The following PLD5 variants were observed in gnomAD, a reference collection of about 807,000 sequenced individuals.
The protein encoded by PLD5 is phospholipase D family member 5, also known as inactive phospholipase D5.
In PLD5, 36 loss-of-function variants were observed where a neutral mutation model predicts 61.1. The observed-to-expected ratio is 0.59, with a 90% CI of 0.45 to 0.78. The LOEUF is 0.78. PLD5 is among the 30% of genes least tolerant of loss of function. PLD5 has a pLI of 0.00. For missense variants in PLD5, 515 were observed against 644.4 expected (o/e 0.80, Z 2.17); for synonymous variants, 243 against 242.8 (o/e 1.00, Z -0.01).
chr1:242,336,015 A>C (rs1196358724), intron 2 of PLD5, among the ~76,000 whole-genome samples: 1 of 152,276 alleles, frequency 6.6e-6, no homozygotes, highest in Middle Eastern at 3.4e-3. Flanking sequence ...TATTTCTCCT[A>C]TGTATGCAGA....
intron 1 of PLD5, among the ~76,000 whole-genome samples, chr1:242,487,811 G>T (rs1367514613): frequency 7.4e-6 from 1 of 135,758 alleles, no homozygotes; most frequent in African/African-American, 2.6e-5. Context: ...TTTCTTTAGA[G>T]AATTAATTTA....
chr1:242,326,629 A>C (rs1001552716), intron 2 of PLD5, among the ~76,000 whole-genome samples: 1 of 152,104 alleles, frequency 6.6e-6, no homozygotes, highest in African/African-American at 2.4e-5. Flanking sequence ...GCACTGCTGA[A>C]AAAAGATCTT....
intron 4 of PLD5, among the ~76,000 whole-genome samples, chr1:242,220,322 A>C (rs912638216): frequency 9.2e-5 from 14 of 152,210 alleles, no homozygotes; most frequent in African/African-American, 3.4e-4. Context: ...AAAAGAAAAG[A>C]AAAGAAAAGA....
intron 6 of PLD5, among the ~76,000 whole-genome samples, chr1:242,118,632 T>C (rs1366516918): frequency 6.6e-6 from 1 of 152,254 alleles, no homozygotes; most frequent in African/African-American, 2.4e-5. Flanking sequence ...TGCTTCAATC[T>C]GGGTATTTCC....
intron 1 of PLD5, among the ~76,000 whole-genome samples, chr1:242,497,058 G>C (rs1668394264): frequency 6.6e-6 from 1 of 152,162 alleles, no homozygotes; most frequent in Admixed American, 6.5e-5. Flanking sequence ...GGAGACCGGA[G>C]ACCTCATACA....
chr1:242,358,458 C>T (rs1156749362), intron 1 of PLD5, among the ~76,000 whole-genome samples: 10 of 151,868 alleles, frequency 6.6e-5, no homozygotes, highest in African/African-American at 2.4e-4. Flanking sequence ...TGAATCTGGG[C>T]AGGCAGAGCT....
chr1:242,112,122 C>G (rs1260497433), intron 7 of PLD5, among the ~76,000 whole-genome samples: 1 of 152,052 alleles, frequency 6.6e-6, no homozygotes, highest in Non-Finnish European at 1.5e-5. Flanking sequence ...GAAAATCAGG[C>G]AAAACCCCTA....
chr1:242,148,946 A>T (rs1173109764), intron 5 of PLD5, among the ~76,000 whole-genome samples: 1 of 141,976 alleles, frequency 7.0e-6, no homozygotes, highest in African/African-American at 2.6e-5. Context: ...TTACATAATC[A>T]TGTCATCTGC....
intron 2 of PLD5, among the ~76,000 whole-genome samples, chr1:242,333,850 A>G (rs1456131202): frequency 6.6e-6 from 1 of 152,136 alleles, no homozygotes; most frequent in Non-Finnish European, 1.5e-5. Flanking sequence ...GCTGAATAAT[A>G]TTCCATTGCA....
intron 1 of PLD5, among the ~76,000 whole-genome samples, chr1:242,382,035 C>T (rs1426413545): frequency 2.0e-5 from 3 of 150,556 alleles, no homozygotes; most frequent in East Asian, 2.0e-4. Flanking sequence ...GTAGCCGACG[C>T]ATTGGCTGTT....
At position 242,153,604 on chromosome 1, in the gene PLD5, T is replaced by C. The variant is rs570415934; in HGVS notation, c.736-28939A>G. On this transcript the variant is annotated intron_variant, in intron 5 of 9. Transcript: ENST00000536534. ...AGTTTTCCCAGCACCATTTATTAAATAGGGAATCCTTTCCCCATTGCTTGT... is the reference window on the plus strand; with the variant it reads ...AGTTTTCCCAGCACCATTTATTAAACAGGGAATCCTTTCCCCATTGCTTGT... 1.4e-4 allele frequency among the ~76,000 whole-genome samples: 21 copies of C among 152,286 alleles called. 1 individual carries two copies. Among genetic ancestry groups the C allele is most frequent in the African/African-American group, 4.8e-4 (20 of 41,538 alleles).
intron 2 of PLD5, among the ~76,000 whole-genome samples, chr1:242,331,962 G>A (rs531597119): frequency 3.3e-5 from 5 of 152,142 alleles, no homozygotes; most frequent in East Asian, 1.9e-4. Flanking sequence ...AGGTATACAC[G>A]TGCCATGGTG....
chr1:242,266,763 G>T (rs1402009072), intron 3 of PLD5, among the ~76,000 whole-genome samples: 1 of 152,254 alleles, frequency 6.6e-6, no homozygotes, highest in Non-Finnish European at 1.5e-5. Flanking sequence ...GGTGACTTGG[G>T]AAGAGAGAAT....
intron 5 of PLD5, among the ~76,000 whole-genome samples, chr1:242,167,704 A>C (rs1366446887): frequency 6.6e-6 from 1 of 152,250 alleles, no homozygotes; most frequent in African/African-American, 2.4e-5. Flanking sequence ...AGAAGAGGCA[A>C]TAAGGCACAG....
intron 5 of PLD5, among the ~76,000 whole-genome samples, chr1:242,150,042 C>T (rs1664819617): frequency 6.6e-6 from 1 of 151,770 alleles, no homozygotes. Context: ...TTTTTATCTT[C>T]ACTCAAATCA....
At chr1:242,366,145 C>A (rs1375036433) in intron 1 of PLD5, among the ~76,000 whole-genome samples, 2 of 152,074 alleles carry the variant, frequency 1.3e-5, no homozygotes, top group Admixed American at 6.6e-5. Context: ...TATTTTTTGT[C>A]CTACTGTTTT....
intron 1 of PLD5, among the ~76,000 whole-genome samples, chr1:242,491,912 G>A (rs1363225951): frequency 6.6e-6 from 1 of 152,206 alleles, no homozygotes; most frequent in Non-Finnish European, 1.5e-5. Flanking sequence ...TTATAATGCT[G>A]CAATTATCAA....
rs577464634 is a variant in PLD5, at chr1:242,169,932, G to T, written c.736-45267C>A. On this transcript the variant is annotated intron_variant, in intron 5 of 9. Coordinates refer to ENST00000536534, the MANE Select transcript of PLD5 (RefSeq NM_001372062.1). ...CTCTGAAAAAAAGGCAGCAGCCCCAGTCAGGGACTTATAGATAAAACCCTC... is the reference window on the plus strand; with the variant it reads ...CTCTGAAAAAAAGGCAGCAGCCCCATTCAGGGACTTATAGATAAAACCCTC... 3.2e-3 allele frequency among the ~76,000 whole-genome samples: 489 copies of T among 152,354 alleles called. 2 individuals are homozygous for T. Among genetic ancestry groups the T allele is most frequent in the Non-Finnish European group, 4.7e-3 (320 of 68,038 alleles).
chr1:242,521,018 C>A (rs767228799), intron 1 of PLD5, among the ~76,000 whole-genome samples: 2 of 152,194 alleles, frequency 1.3e-5, no homozygotes, highest in Non-Finnish European at 2.9e-5. Flanking sequence ...TTTTAACAAC[C>A]AAGAGCATTA....
Sources: allele counts gnomAD v4.1 joint callset (sites outside exome capture counted in the v4.1 genomes callset), GRCh38; gene constraint gnomAD v4.1.1; transcripts MANE v1.5; gene names NCBI Gene and HGNC (gene_info 2026-07-23, HGNC 2026-07-21).